FNIP2: variants seen among roughly 807,000 people sequenced by gnomAD.
FNIP2 encodes folliculin interacting protein 2.
In FNIP2, 32 loss-of-function variants were observed where a neutral mutation model predicts 108.7. The observed-to-expected ratio is 0.29, with a 90% CI of 0.22 to 0.40. FNIP2 has a LOEUF of 0.40. Among genes scored for constraint, FNIP2 ranks in the 10% least tolerant of loss-of-function variants. The pLI is 1.00. For missense variants in FNIP2, 1,202 were observed against 1,381.6 expected, an observed-to-expected ratio of 0.87 and a Z score of 2.06; for synonymous variants, 480 against 496.7, an observed-to-expected ratio of 0.97 and a Z score of 0.45.
rs1778135133 is a variant in FNIP2 at position 158,825,999 on chromosome 4, T to C, written c.191T>C (p.Phe64Ser). The C allele has an allele frequency of 6.2e-7, 1 of 1,608,850 alleles. No individual in the cohort carries two copies. The highest frequency in any genetic ancestry group is 8.5e-7 in the Non-Finnish European group (1 of 1,175,718). The change falls in exon 2 of 17, where the codon TTT (phenylalanine) becomes TCT (serine). Residue 64 changes from phenylalanine to serine, a missense_variant. Physicochemically the swap from Phe to Ser is radical, Grantham distance 155 (BLOSUM62 -2). Around this residue, in one of 5 missense-constraint regions of FNIP2, gnomAD observed 173 missense variants for 165.9 expected, o/e 1.04. Transcript: ENST00000264433. ...GACAGGAGAGGCAGACAAGTCTTGT[T>C]TGACTCTAAAGCTGTTCAAAAGATT... is the stretch of plus-strand genomic sequence containing the variant. The part of the protein sequence containing the change: ...DCDRRGRQVL[F>S]DSKAVQKIEE...
chr4:158,853,195 T>A (rs1779795593), intron 8 of FNIP2, among the ~76,000 whole-genome samples: 1 of 152,186 alleles, frequency 6.6e-6, no homozygotes, highest in Admixed American at 6.5e-5. Context: ...AATACATTTG[T>A]TTAGTCATCA....
Position 158,904,699 on chromosome 4 carries a change from T to TGC in FNIP2, c.*156_*157dup. 1.5e-6 allele frequency: 1 copy of TGC among 653,218 alleles called. No individual in the cohort carries two copies. The highest frequency in any genetic ancestry group is 2.6e-6 in the Non-Finnish European group (1 of 377,992). 40.5% of individuals were successfully genotyped at this position (653,218 alleles called of 1,614,324 possible). ...TTTTGTGTTTTTGCTGTCAAGCTGA[T>TGC]GCTTCATTGAAGACTTAGGTTTACT... is the stretch of plus-strand genomic sequence containing the variant. On this transcript the variant is annotated 3_prime_UTR_variant, in exon 17 of 17. Coordinates refer to ENST00000264433, the MANE Select transcript of FNIP2 (RefSeq NM_020840.3).
intron 1 of FNIP2, among the ~76,000 whole-genome samples, chr4:158,777,442 A>G (rs1775897241): frequency 6.6e-6 from 1 of 152,226 alleles, no homozygotes; most frequent in South Asian, 2.1e-4. Flanking sequence ...TTGAGAAACT[A>G]ATTTAGAAAT....
In FNIP2 at chr4:158,872,965, A is replaced by T. The variant is rs182319796; in HGVS notation, c.2949+2496A>T. On this transcript the variant is annotated intron_variant, in intron 14 of 16. Coordinates refer to ENST00000264433, the MANE Select transcript of FNIP2 (RefSeq NM_020840.3). ...ATAATAGCTTGTTGAAGAAGAGAAA[A>T]TTGTAATAAATTGCTTTATCAAACT... Among the ~76,000 whole-genome samples the T allele has an allele frequency of 3.3e-5, 5 of 152,268 alleles. No homozygotes were observed. The East Asian group carries it at 9.6e-4, about 29-fold the overall frequency.
intron 14 of FNIP2, among the ~76,000 whole-genome samples, chr4:158,873,275 T>G (rs1345120121): frequency 1.3e-5 from 2 of 152,232 alleles, no homozygotes; most frequent in East Asian, 3.8e-4. Context: ...AAGCAATTGA[T>G]TCCAGTTATT....
intron 16 of FNIP2, among the ~76,000 whole-genome samples, chr4:158,903,998 T>G (rs1729593439): frequency 6.6e-6 from 1 of 152,272 alleles, no homozygotes; most frequent in Non-Finnish European, 1.5e-5. Context: ...GTATAAACTT[T>G]GAACAAATTC....
chr4:158,778,728 G>A (rs1203915051), intron 1 of FNIP2, among the ~76,000 whole-genome samples: 1 of 152,210 alleles, frequency 6.6e-6, no homozygotes, highest in Non-Finnish European at 1.5e-5. Flanking sequence ...TTGGCATTAA[G>A]CACTGTTTCA....
At chr4:158,893,431 G>A in intron 15 of FNIP2, 1 of 393,686 alleles carries the variant, frequency 2.5e-6, no homozygotes, top group Non-Finnish European at 4.6e-6. Flanking sequence ...TTGGAATAGT[G>A]TTAGATGTTA....
chr4:158,855,552 G>T (rs888065295), intron 8 of FNIP2, among the ~76,000 whole-genome samples: 10 of 152,188 alleles, frequency 6.6e-5, no homozygotes, highest in Non-Finnish European at 1.5e-5. Flanking sequence ...GGTTCAAGCG[G>T]TTCCCCTGCC....
chr4:158,829,734 G>GTA (rs1778361769), intron 3 of FNIP2, among the ~76,000 whole-genome samples: 1 of 152,024 alleles, frequency 6.6e-6, no homozygotes, highest in Non-Finnish European at 1.5e-5. Flanking sequence ...GTGTGTGTGT[G>GTA]TGTATAAGGA....
At chr4:158,788,452 T>G (rs1431756850) in intron 1 of FNIP2, among the ~76,000 whole-genome samples, 1 of 152,236 alleles carries the variant, frequency 6.6e-6, no homozygotes, top group African/African-American at 2.4e-5. Context: ...GCTATAATCT[T>G]ATGTGTTTAA....
At chr4:158,902,955 C>CGGCTCCCTGTCT (rs539266353) in intron 16 of FNIP2, among the ~76,000 whole-genome samples, 247 of 152,286 alleles carry the variant, frequency 1.6e-3, no homozygotes, top group African/African-American at 5.5e-3. Flanking sequence ...CCAGACCACT[C>CGGCTCCCTGTCT]GGCTCCCTGG....
At chr4:158,849,817 T>C (rs79919900) in intron 7 of FNIP2, among the ~76,000 whole-genome samples, 2 of 147,898 alleles carry the variant, frequency 1.4e-5, no homozygotes, top group African/African-American at 5.0e-5. Context: ...AAAAAAAAAG[T>C]GCCATACGTT....
chr4:158,809,489 T>C (rs1203053179), intron 1 of FNIP2, among the ~76,000 whole-genome samples: 1 of 152,216 alleles, frequency 6.6e-6, no homozygotes, highest in African/African-American at 2.4e-5. Flanking sequence ...CTCTTAAATA[T>C]GATGCCAGGT....
At chr4:158,879,769 A>G (rs1008545509) in intron 14 of FNIP2, among the ~76,000 whole-genome samples, 3 of 150,430 alleles carry the variant, frequency 2.0e-5, no homozygotes, top group African/African-American at 7.4e-5. Context: ...AACCCCATCA[A>G]AAAGTGGGCA....
chr4:158,782,252 G>T (rs926391681), intron 1 of FNIP2, among the ~76,000 whole-genome samples: 1 of 152,192 alleles, frequency 6.6e-6, no homozygotes, highest in Non-Finnish European at 1.5e-5. Context: ...AAATTTTGGT[G>T]CTGGGATGCA....
intron 7 of FNIP2, among the ~76,000 whole-genome samples, chr4:158,840,876 T>G (rs1779093114): frequency 6.6e-6 from 1 of 152,242 alleles, no homozygotes; most frequent in Non-Finnish European, 1.5e-5. Context: ...CAACTGCATT[T>G]CCTCTGTTCT....
chr4:158,891,324 C>A (rs1782266703), intron 14 of FNIP2, 122 bp from the exon 15 acceptor site: 2 of 842,048 alleles, frequency 2.4e-6, no homozygotes, highest in South Asian at 3.5e-5. Context: ...GTTAAATCTG[C>A]TCTATCCATA....
intron 1 of FNIP2, among the ~76,000 whole-genome samples, chr4:158,814,674 A>G (rs1777464526): frequency 6.6e-6 from 1 of 152,252 alleles, no homozygotes; most frequent in Non-Finnish European, 1.5e-5. Context: ...TTTTTTAGAG[A>G]GAAACTTTCT....
Sources: allele counts gnomAD v4.1 joint callset (sites outside exome capture counted in the v4.1 genomes callset), GRCh38; gene constraint gnomAD v4.1.1; regional missense constraint gnomAD v4.1.1; transcripts MANE v1.5; gene names NCBI Gene and HGNC (gene_info 2026-07-23, HGNC 2026-07-21).